Variants in TMC1 observed in about 807,000 individuals in gnomAD.
The protein encoded by TMC1 is transmembrane channel like 1.
TMC1 carries 84 observed loss-of-function variants against 105.8 expected under a neutral mutation model. The observed-to-expected ratio is 0.79, with a 90% confidence interval of 0.67 to 0.95. TMC1 has a LOEUF of 0.95. Among genes scored for constraint, TMC1 ranks in the 40% least tolerant of loss-of-function variants. TMC1 has a pLI of 0.00. For missense variants in TMC1, 817 were observed against 914.1 expected, an observed-to-expected ratio of 0.89 and a Z score of 1.37; for synonymous variants, 315 against 311.5, an observed-to-expected ratio of 1.01 and a Z score of -0.12.
At chr9:72,596,033 C>A (rs771298504) in intron 2 of TMC1, among the ~76,000 whole-genome samples, 1 of 151,996 alleles carries the variant, frequency 6.6e-6, no homozygotes, top group African/African-American at 2.4e-5. Context: ...CATGCCACCA[C>A]GCCCGGCTAA....
At chr9:72,564,989 CAAAAT>C (rs1824121848) in intron 1 of TMC1, among the ~76,000 whole-genome samples, 1 of 152,134 alleles carries the variant, frequency 6.6e-6, no homozygotes, top group Admixed American at 6.6e-5. Context: ...ATTTTGCACT[CAAAAT>C]AAATTATATT....
intron 12 of TMC1, among the ~76,000 whole-genome samples, chr9:72,768,216 C>T (rs955957482): frequency 6.6e-6 from 1 of 151,758 alleles, no homozygotes; most frequent in Non-Finnish European, 1.5e-5. Context: ...AGCAAACTAA[C>T]ACAGGAACAG....
chr9:72,624,315 A>G (rs1019747263), intron 3 of TMC1, among the ~76,000 whole-genome samples: 5 of 152,144 alleles, frequency 3.3e-5, no homozygotes, highest in African/African-American at 1.2e-4. Context: ...TCCTGAGCAC[A>G]TGGTTGTTGA....
chr9:72,650,911 TAG>T (rs1438135842), intron 5 of TMC1, among the ~76,000 whole-genome samples: 36 of 143,136 alleles, frequency 2.5e-4, no homozygotes, highest in Middle Eastern at 3.3e-3. Context: ...TAAATATATA[TAG>T]ATATATATAT....
Position 72,715,935 on chromosome 9 carries a change from C to A in TMC1, c.362+15292C>A, listed in dbSNP as rs189910976. ...GGTCTTTGAAGTTGGTGACCTTCGG[C>A]TGGGGTCTCTGAGTGGTCCTTTTTG... On this transcript the variant is annotated intron_variant, in intron 8 of 23. Coordinates refer to ENST00000297784, the MANE Select transcript of TMC1 (RefSeq NM_138691.3). Among the ~76,000 whole-genome samples, 465 of 152,238 alleles carry A rather than the reference C, an allele frequency of 3.1e-3. 1 individual carries two copies. Among genetic ancestry groups the A allele is most frequent in the African/African-American group, 9.8e-3 (408 of 41,550 alleles).
At chr9:72,672,175 C>T (rs760921654) in intron 5 of TMC1, among the ~76,000 whole-genome samples, 2 of 152,128 alleles carry the variant, frequency 1.3e-5, no homozygotes, top group Non-Finnish European at 2.9e-5. Context: ...AGTTTTACAC[C>T]TTTTTAGCAT....
At chr9:72,739,028 C>T (rs893126366) in intron 8 of TMC1, among the ~76,000 whole-genome samples, 5 of 152,054 alleles carry the variant, frequency 3.3e-5, no homozygotes, top group African/African-American at 1.2e-4. Flanking sequence ...ACAAAAATGA[C>T]TGTCCCAGTC....
chr9:72,548,024 A>T (rs1016188961), intron 1 of TMC1, among the ~76,000 whole-genome samples: 1 of 152,180 alleles, frequency 6.6e-6, no homozygotes, highest in Non-Finnish European at 1.5e-5. Context: ...TTAGAAGAAC[A>T]TTAATCCTAT....
In TMC1 at chr9:72,685,256, A is replaced by G. The variant is rs368206835; in HGVS notation, c.17-3453A>G. 2.1e-3 allele frequency among the ~76,000 whole-genome samples: 304 copies of G among 147,448 alleles called. 6 individuals are homozygous for G. The South Asian group carries it at 0.025, about 12-fold the overall frequency. On this transcript the variant is annotated intron_variant, in intron 5 of 23. Transcript: ENST00000297784. ...CGAGTAGCTGGGACTACAGGCGCCC[A>G]CCACCACACCCGGATAATTTTTTAT...
chr9:72,637,293 C>G (rs1408767079), intron 4 of TMC1, among the ~76,000 whole-genome samples: 2 of 151,458 alleles, frequency 1.3e-5, no homozygotes, highest in African/African-American at 4.9e-5. Context: ...ATAGAGATCC[C>G]TTTGTTCTGA....
At chr9:72,812,676 A>G (rs1828725380) in intron 18 of TMC1, among the ~76,000 whole-genome samples, 1 of 152,240 alleles carries the variant, frequency 6.6e-6, no homozygotes, top group East Asian at 1.9e-4. Context: ...GACCACACTC[A>G]AAAGCCACTG....
intron 12 of TMC1, among the ~76,000 whole-genome samples, chr9:72,763,079 C>T (rs887062042): frequency 7.2e-6 from 1 of 139,208 alleles, no homozygotes; most frequent in East Asian, 2.1e-4. Context: ...GAAGTCCTAG[C>T]GATGCCTTTT....
At chr9:72,594,869 CTT>C (rs141277773) in intron 2 of TMC1, among the ~76,000 whole-genome samples, 10 of 143,778 alleles carry the variant, frequency 7.0e-5, no homozygotes, top group Admixed American at 7.0e-5. Flanking sequence ...TCTTCTTCTT[CTT>C]TTTTTTTTTT....
chr9:72,617,908 G>GT (rs1825161788), intron 3 of TMC1, among the ~76,000 whole-genome samples: 3 of 144,316 alleles, frequency 2.1e-5, no homozygotes, highest in Non-Finnish European at 4.5e-5. Context: ...GTCTATGTGT[G>GT]GTGTGTGTGT....
intron 12 of TMC1, among the ~76,000 whole-genome samples, chr9:72,756,536 T>A (rs561585830): frequency 3.3e-5 from 5 of 152,228 alleles, no homozygotes; most frequent in African/African-American, 1.2e-4. Context: ...CTCTCTCACT[T>A]TCAAATTTCA....
At chr9:72,599,199 T>A (rs556139704) in intron 2 of TMC1, among the ~76,000 whole-genome samples, 181 of 152,198 alleles carry the variant, frequency 1.2e-3, no homozygotes, top group African/African-American at 4.1e-3. Flanking sequence ...CCCAGCTAAT[T>A]TTTGTATTAT....
At chr9:72,641,147 G>T (rs1825621420) in intron 4 of TMC1, among the ~76,000 whole-genome samples, 1 of 152,150 alleles carries the variant, frequency 6.6e-6, no homozygotes, top group Admixed American at 6.5e-5. Context: ...AGTCTGGAAT[G>T]CAGTGGTGCA....
intron 13 of TMC1, among the ~76,000 whole-genome samples, chr9:72,778,826 G>A (rs931228066): frequency 6.6e-6 from 1 of 152,118 alleles, no homozygotes; most frequent in African/African-American, 2.4e-5. Flanking sequence ...CTTCCTAAAG[G>A]CCATCATCAT....
intron 5 of TMC1, among the ~76,000 whole-genome samples, chr9:72,670,470 A>G (rs1826111377): frequency 6.6e-6 from 1 of 152,224 alleles, no homozygotes. Context: ...GAAAATATCT[A>G]GCAGTCAGTA....
Sources: gnomAD v4.1 joint callset for allele counts (sites outside exome capture counted in the v4.1 genomes callset) on GRCh38, gnomAD v4.1.1 for gene constraint, MANE v1.5 for transcripts, NCBI Gene and HGNC (gene_info 2026-07-23, HGNC 2026-07-21) for gene names.